The following USP43 variants were observed in gnomAD, a reference collection of about 807,000 sequenced individuals.
The protein encoded by USP43 is ubiquitin specific peptidase 43.
Under a neutral mutation model 90.7 loss-of-function variants are expected in USP43, and 33 were observed. That is an observed-to-expected ratio of 0.36 (90% CI 0.28 to 0.49). USP43 has a LOEUF of 0.49. Among genes scored for constraint, USP43 ranks in the 20% least tolerant of loss-of-function variants. The pLI, the probability that USP43 is intolerant of heterozygous loss-of-function variation, is 0.98. For missense variants in USP43, 1,274 were observed against 1,476.4 expected, an observed-to-expected ratio of 0.86 and a Z score of 2.25; for synonymous variants, 598 against 615.8, an observed-to-expected ratio of 0.97 and a Z score of 0.43.
intron 2 of USP43, among the ~76,000 whole-genome samples, chr17:9,664,536 T>C (rs1912876750): frequency 6.6e-6 from 1 of 152,054 alleles, no homozygotes; most frequent in African/African-American, 2.4e-5. Flanking sequence ...ATGGTGGAAA[T>C]GTTAGGAAAA....
chr17:9,693,978 G>C (rs3913648), intron 9 of USP43, among the ~76,000 whole-genome samples: 51,594 of 152,162 alleles, frequency 0.34, 10,589 homozygotes, highest in East Asian at 0.7. Flanking sequence ...AGATTGTGGA[G>C]TGTGCCTGAG....
intron 2 of USP43, among the ~76,000 whole-genome samples, chr17:9,657,770 A>C (rs1912367010): frequency 6.6e-6 from 1 of 151,860 alleles, no homozygotes; most frequent in Non-Finnish European, 1.5e-5. Context: ...TGATCCTATC[A>C]CCTCCCACCA....
At chr17:9,684,883 C>G (rs1597850069) in intron 7 of USP43, among the ~76,000 whole-genome samples, 2 of 151,618 alleles carry the variant, frequency 1.3e-5, no homozygotes, top group Admixed American at 1.3e-4. Context: ...ATTGATAATA[C>G]TCATTCTGGG....
At chr17:9,689,275 C>T (rs753908418) in intron 8 of USP43, among the ~76,000 whole-genome samples, 2 of 152,038 alleles carry the variant, frequency 1.3e-5, no homozygotes, top group Non-Finnish European at 2.9e-5. Context: ...AGAGATTAAA[C>T]ATATTGTATT....
intron 1 of USP43, chr17:9,647,669 C>T (rs530571896): frequency 6.6e-5 from 10 of 152,114 alleles, no homozygotes; most frequent in African/African-American, 2.2e-4. Flanking sequence ...CATTTCCATC[C>T]AGTTACCACA....
chr17:9,695,118 C>T (rs950411733), intron 9 of USP43, among the ~76,000 whole-genome samples: 4 of 151,982 alleles, frequency 2.6e-5, no homozygotes, highest in African/African-American at 9.7e-5. Flanking sequence ...CATCTTACCT[C>T]AGTCTGGCCC....
chr17:9,656,334 G>A, intron 1 of USP43, 69 bp from the exon 2 acceptor site: 1 of 1,553,470 alleles, frequency 6.4e-7, no homozygotes, highest in South Asian at 1.2e-5. Context: ...TAGACCTGGT[G>A]CTCACAGAGC....
Position 9,712,084 on chromosome 17 carries a change from G to T in USP43, c.2287G>T (p.Val763Phe). ...TGCCCCCTGCCCCTCCCTGCCCCAG[G>T]TTCCTGACTCTCCCATCTTCACCAA... ...SSAPCPSLPQVPDSPIFTNSL... is the reference protein window; with the variant it reads ...SSAPCPSLPQFPDSPIFTNSL... Residue 763 changes from valine to phenylalanine, a missense_variant, in exon 14 of 15, where the codon GTT becomes TTT. This residue lies in a region of USP43 where 285 missense variants were observed against 349.6 expected (regional missense o/e 0.82). Coordinates refer to ENST00000285199, the MANE Select transcript of USP43 (RefSeq NM_153210.5). The T allele has an allele frequency of 6.2e-7, 1 of 1,609,986 alleles. No individual in the cohort carries two copies. The highest frequency in any genetic ancestry group is 8.5e-7 in the Non-Finnish European group (1 of 1,177,684).
At chr17:9,716,725 C>T (rs768809048) in intron 14 of USP43, among the ~76,000 whole-genome samples, 24 of 152,120 alleles carry the variant, frequency 1.6e-4, no homozygotes, top group Non-Finnish European at 2.9e-4. Context: ...TGAGTTGTTA[C>T]AGATTTATGG....
At position 9,728,612 on chromosome 17, in the gene USP43, T is replaced by C. The variant is rs773412639; in HGVS notation, c.2994T>C (p.Leu998=). The C allele has an allele frequency of 1.2e-6, 2 of 1,613,744 alleles. No individual in the cohort carries two copies. The highest frequency in any genetic ancestry group is 3.3e-5 in the Admixed American group (2 of 59,998). The change falls in exon 15 of 15, where the codon CTT becomes CTC. Residue 998 remains leucine (L), a synonymous_variant. Transcript: ENST00000285199. The surrounding 1 kb of genome is among the most constrained non-coding windows in gnomAD (Gnocchi z 6.2). ...GACCCCTGCAGGGGACACTCACCCTTCTGAGGTCCGTGTTTCGGAAGAAGG... is the reference window on the plus strand; with the variant it reads ...GACCCCTGCAGGGGACACTCACCCTCCTGAGGTCCGTGTTTCGGAAGAAGG... ...LDRPLQGTLT[L]LRSVFRKKEN... is the part of the protein sequence containing the mutation.
intron 2 of USP43, among the ~76,000 whole-genome samples, chr17:9,659,850 T>C (rs1228692795): frequency 6.6e-6 from 1 of 152,220 alleles, no homozygotes; most frequent in Non-Finnish European, 1.5e-5. Flanking sequence ...GTTGGATGTT[T>C]GTGGCCGTTT....
Position 9,728,107 on chromosome 17 carries a change from T to C in USP43, c.2489T>C (p.Val830Ala). 1 of 1,613,910 alleles carries C rather than the reference T, an allele frequency of 6.2e-7. No homozygotes were observed. Among genetic ancestry groups the C allele is most frequent in the Admixed American group, 1.7e-5 (1 of 59,996 alleles). ...GSKEKPPGASVELVEYLESRR... is the reference protein window; with the variant it reads ...GSKEKPPGASAELVEYLESRR... ...AAGGAGAAACCACCAGGTGCCTCCG[T>C]CGAGTTGGTGGAGTACTTGGAATCC... The change falls in exon 15 of 15, where the codon GTC (valine) becomes GCC (alanine). Residue 830 changes from valine to alanine, a missense_variant. Val to Ala is a moderately conservative substitution (Grantham distance 64, BLOSUM62 0). Around this residue, in one of 6 missense-constraint regions of USP43, gnomAD observed 285 missense variants for 349.6 expected, o/e 0.82. Coordinates refer to ENST00000285199, the MANE Select transcript of USP43 (RefSeq NM_153210.5). This position sits in a 1 kb window ranked among gnomAD's most constrained non-coding sequence, Gnocchi z 6.2.
At chr17:9,727,735 C>T (rs533090394) in intron 14 of USP43, among the ~76,000 whole-genome samples, 1 of 152,274 alleles carries the variant, frequency 6.6e-6, no homozygotes, top group South Asian at 2.1e-4. Context: ...TTGGCACTGG[C>T]TTACCCTGTG....
chr17:9,715,886 T>C (rs1464870529), intron 14 of USP43, among the ~76,000 whole-genome samples: 1 of 151,870 alleles, frequency 6.6e-6, no homozygotes, highest in Non-Finnish European at 1.5e-5. Flanking sequence ...TGTGTGTGTG[T>C]CTCTGTGTGT....
intron 9 of USP43, among the ~76,000 whole-genome samples, chr17:9,697,500 G>T (rs1290348974): frequency 6.6e-6 from 1 of 151,814 alleles, no homozygotes; most frequent in Non-Finnish European, 1.5e-5. Context: ...CCCCCATTTT[G>T]CAGTGCTCAA....
Position 9,701,444 on chromosome 17 carries a change from C to A in USP43, c.1755C>A (p.Leu585=). The A allele has an allele frequency of 6.3e-7, 1 of 1,597,648 alleles. No individual in the cohort carries two copies. Among genetic ancestry groups the A allele is most frequent in the East Asian group, 2.3e-5 (1 of 44,188 alleles). The part of the protein sequence containing the change: ...KLSLWTLPDI[L]IIHLKRFCQV... Reference sequence around the variant, plus strand: ...GTTTGTGGACGCTGCCTGACATCCTCATCATCCACCTCAAAAGGTTCTGCC... The same window carrying A: ...GTTTGTGGACGCTGCCTGACATCCTAATCATCCACCTCAAAAGGTTCTGCC... Residue 585 remains leucine (L), a synonymous_variant, in exon 12 of 15, where the codon CTC becomes CTA. Coordinates refer to ENST00000285199, the MANE Select transcript of USP43 (RefSeq NM_153210.5). This position sits in a 1 kb window ranked among gnomAD's most constrained non-coding sequence, Gnocchi z 7.2.
intron 8 of USP43, among the ~76,000 whole-genome samples, chr17:9,691,765 T>C (rs891365773): frequency 1.3e-5 from 2 of 151,804 alleles, no homozygotes; most frequent in African/African-American, 4.8e-5. Context: ...AAAAAAAAAT[T>C]AGGCCAGGTG....
Position 9,728,724 on chromosome 17 carries a change from G to C in USP43, c.3106G>C (p.Gly1036Arg), listed in dbSNP as rs745545982. ...VSGGLSPAMD[G>R]QAPGSPPALR... ...TGGCGGGCTGAGCCCTGCCATGGACGGGCAGGCTCCAGGCTCACCTCCTGC... is the reference window on the plus strand; with the variant it reads ...TGGCGGGCTGAGCCCTGCCATGGACCGGCAGGCTCCAGGCTCACCTCCTGC... Residue 1036 changes from glycine to arginine, a missense_variant, in exon 15 of 15, where the codon GGG (glycine) becomes CGG (arginine). Coordinates refer to ENST00000285199, the MANE Select transcript of USP43 (RefSeq NM_153210.5). The surrounding 1 kb of genome is among the most constrained non-coding windows in gnomAD (Gnocchi z 6.2). 1.9e-6 allele frequency: 3 copies of C among 1,601,352 alleles called. No individual in the cohort carries two copies. Among genetic ancestry groups the C allele is most frequent in the African/African-American group, 2.7e-5 (2 of 74,666 alleles).
At chr17:9,717,158 CAAAAAAA>C (rs34421871) in intron 14 of USP43, among the ~76,000 whole-genome samples, 1 of 81,838 alleles carries the variant, frequency 1.2e-5, no homozygotes, top group African/African-American at 3.8e-5. Context: ...GACTCCCTCT[CAAAAAAA>C]AAAAAAAAAA....
Sources: gnomAD v4.1 joint callset for allele counts (sites outside exome capture counted in the v4.1 genomes callset) on GRCh38, gnomAD v4.1.1 for gene constraint, gnomAD v4.1.1 regional missense constraint, Gnocchi (gnomAD v3.1) non-coding constraint, MANE v1.5 for transcripts, NCBI Gene and HGNC (gene_info 2026-07-23, HGNC 2026-07-21) for gene names.